The following EHMT1 variants were observed in gnomAD, a reference collection of about 807,000 sequenced individuals.
EHMT1 encodes euchromatic histone lysine methyltransferase 1.
Under a neutral mutation model 147.2 loss-of-function variants are expected in EHMT1, and 15 were observed. The ratio of observed to expected loss-of-function variants is 0.10; its 90% CI spans 0.07 to 0.16. The LOEUF is 0.16. EHMT1 is among the 10% of genes least tolerant of loss of function. The pLI, the probability that EHMT1 is intolerant of heterozygous loss-of-function variation, is 1.00. For synonymous variants in EHMT1, 795 were observed against 709.6 expected (o/e 1.12, Z -1.91); for missense variants, 1,587 against 1,772.4 (o/e 0.90, Z 1.88).
At position 137,740,803 on chromosome 9, in the gene EHMT1, A is replaced by G. The variant is rs564352653; in HGVS notation, c.824-2568A>G. On this transcript the variant is annotated intron_variant, in intron 4 of 26. Coordinates refer to ENST00000460843, the MANE Select transcript of EHMT1 (RefSeq NM_024757.5). ...TTCCTGACATGATTTATTTTATTTT[A>G]TTTTATTATTATTTTTTGAGATGGA... 1.3e-4 allele frequency among the ~76,000 whole-genome samples: 20 copies of G among 152,036 alleles called. No homozygotes were observed. The South Asian group carries it at 4.2e-3, about 32-fold the overall frequency.
chr9:137,721,682 C>A (rs1946072014), intron 3 of EHMT1, among the ~76,000 whole-genome samples: 1 of 151,792 alleles, frequency 6.6e-6, no homozygotes, highest in Non-Finnish European at 1.5e-5. Context: ...CATCCCCTTG[C>A]ACATTGCTTT....
At chr9:137,802,773 C>T (rs906947288) in intron 18 of EHMT1, 48 of 1,223,494 alleles carry the variant, frequency 3.9e-5, no homozygotes, top group Non-Finnish European at 4.8e-5. Flanking sequence ...TGCAGTGCCT[C>T]CTCCGTGGGC....
intron 15 of EHMT1, among the ~76,000 whole-genome samples, chr9:137,783,714 C>T (rs915128112): frequency 2.6e-5 from 4 of 152,196 alleles, no homozygotes; most frequent in African/African-American, 9.7e-5. Context: ...GCACCTGTCT[C>T]TGCCTTTCTT....
intron 7 of EHMT1, among the ~76,000 whole-genome samples, 153 bp downstream of exon 7, chr9:137,752,561 G>C (rs1949053498): frequency 6.6e-6 from 1 of 152,234 alleles, no homozygotes; most frequent in Admixed American, 6.5e-5. Context: ...GATGGGTCCT[G>C]TCCCTGGCAA....
chr9:137,672,272 G>A (rs1274003686), intron 1 of EHMT1, among the ~76,000 whole-genome samples: 1 of 152,146 alleles, frequency 6.6e-6, no homozygotes, highest in African/African-American at 2.4e-5. Context: ...ACGCGTAGTA[G>A]GTTTATTGTT....
At chr9:137,619,228 C>T (rs1034032195) in intron 1 of EHMT1, among the ~76,000 whole-genome samples, 179 bp downstream of exon 1, 1 of 142,526 alleles carries the variant, frequency 7.0e-6, no homozygotes, top group African/African-American at 2.5e-5. Flanking sequence ...GCCGAGGCCG[C>T]CGGGCGTCCG....
chr9:137,675,404 TA>T (rs1033565121), intron 1 of EHMT1, among the ~76,000 whole-genome samples: 8 of 152,074 alleles, frequency 5.3e-5, no homozygotes, highest in Non-Finnish European at 7.4e-5. Context: ...TGGTGACCAA[TA>T]GGGGGGTTGG....
At chr9:137,647,538 C>T (rs1844985851) in intron 1 of EHMT1, among the ~76,000 whole-genome samples, 1 of 151,856 alleles carries the variant, frequency 6.6e-6, no homozygotes, top group African/African-American at 2.4e-5. Flanking sequence ...GCAGTCTTTG[C>T]CAGGCGTTGC....
intron 1 of EHMT1, 126 bp from the exon 2 acceptor site, chr9:137,710,841 T>TCTGA: frequency 9.5e-7 from 1 of 1,054,000 alleles, no homozygotes; most frequent in Non-Finnish European, 1.4e-6. Flanking sequence ...CAGGAGTAAA[T>TCTGA]CTGACTGTCC....
intron 9 of EHMT1, 42 bp from the exon 10 acceptor site, chr9:137,762,633 G>A: frequency 6.2e-7 from 1 of 1,613,820 alleles, no homozygotes; most frequent in Non-Finnish European, 8.5e-7. Flanking sequence ...GTTCTTTTGA[G>A]GTCAGGATTG....
chr9:137,794,529 C>T (rs1440181784), intron 16 of EHMT1, among the ~76,000 whole-genome samples: 1 of 151,798 alleles, frequency 6.6e-6, no homozygotes, highest in East Asian at 1.9e-4. Context: ...TGCCTGTAGT[C>T]ATAGCCCCTT....
intron 1 of EHMT1, among the ~76,000 whole-genome samples, chr9:137,691,470 GCCCAGC>G (rs1372001361): frequency 1.3e-5 from 2 of 151,592 alleles, no homozygotes; most frequent in Admixed American, 1.3e-4. Context: ...GAGCCACCGC[GCCCAGC>G]CGTAATGTTC....
At chr9:137,699,042 G>A (rs1473571617) in intron 1 of EHMT1, among the ~76,000 whole-genome samples, 1 of 151,890 alleles carries the variant, frequency 6.6e-6, no homozygotes, top group Non-Finnish European at 1.5e-5. Context: ...TTCGCCTGTG[G>A]GGGATGGTGC....
At chr9:137,689,926 G>A (rs1215232972) in intron 1 of EHMT1, among the ~76,000 whole-genome samples, 1 of 152,200 alleles carries the variant, frequency 6.6e-6, no homozygotes, top group African/African-American at 2.4e-5. Flanking sequence ...TAGACGCGTG[G>A]AGATGAGGCC....
chr9:137,788,832 A>C (rs997030206), intron 15 of EHMT1: 4 of 152,214 alleles, frequency 2.6e-5, no homozygotes, highest in Non-Finnish European at 5.9e-5. Flanking sequence ...GGACTTGGTC[A>C]GTGTCAGCCG....
rs972067350 is a variant in EHMT1, at chr9:137,686,937, G to A, written c.22-24030G>A. ...AGTAGAGACGGGGTTTCACCATGTAGCCAGGATGGTCTTGATCTCCTGGCC... is the reference window on the plus strand; with the variant it reads ...AGTAGAGACGGGGTTTCACCATGTAACCAGGATGGTCTTGATCTCCTGGCC... On this transcript the variant is annotated intron_variant, in intron 1 of 26. Transcript: ENST00000460843. Among the ~76,000 whole-genome samples the A allele has an allele frequency of 2.6e-5, 4 of 152,000 alleles. No individual in the cohort carries two copies. The South Asian group carries it at 6.2e-4, about 24-fold the overall frequency.
At chr9:137,627,825 C>G (rs1254445753) in intron 1 of EHMT1, among the ~76,000 whole-genome samples, 1 of 151,562 alleles carries the variant, frequency 6.6e-6, no homozygotes, top group African/African-American at 2.4e-5. Flanking sequence ...CTCATTACCC[C>G]CCCACCCCCA....
intron 2 of EHMT1, 48 bp downstream of exon 2, chr9:137,711,078 C>A: frequency 6.5e-7 from 1 of 1,537,444 alleles, no homozygotes; most frequent in Non-Finnish European, 8.8e-7. Context: ...TCCCTCCAGA[C>A]TAGAAAACCT....
At chr9:137,792,207 A>G (rs553449947) in intron 16 of EHMT1, 153 of 424,700 alleles carry the variant, frequency 3.6e-4, no homozygotes, top group Admixed American at 1.4e-3. Flanking sequence ...GGACTGGCAT[A>G]AAGACAGAAA....
Sources: allele counts gnomAD v4.1 joint callset (sites outside exome capture counted in the v4.1 genomes callset), GRCh38; gene constraint gnomAD v4.1.1; transcripts MANE v1.5; gene names NCBI Gene and HGNC (gene_info 2026-07-23, HGNC 2026-07-21).